Variants in DHRS4L2 observed in about 807,000 individuals in gnomAD.
DHRS4L2 encodes the protein dehydrogenase/reductase 4 like 2.
A neutral mutation model predicts 23.9 loss-of-function variants in DHRS4L2; 22 were observed. That is an observed-to-expected ratio of 0.92 (90% CI 0.66 to 1.31). The LOEUF is 1.31. Among genes scored for constraint, DHRS4L2 ranks in the 40% most tolerant of loss-of-function variants. DHRS4L2 has a pLI of 0.00. For missense variants in DHRS4L2, 385 were observed against 303.3 expected (o/e 1.27, Z -2.00); for synonymous variants, 141 against 123.7 (o/e 1.14, Z -0.93).
In DHRS4L2 at chr14:23,990,375, A is replaced by C; in HGVS notation, c.306+16A>C. 1 of 1,604,534 alleles carries C rather than the reference A, an allele frequency of 6.2e-7. No individual in the cohort carries two copies. Among genetic ancestry groups the C allele is most frequent in the East Asian group, 2.2e-5 (1 of 44,614 alleles). On this transcript the variant is annotated intron_variant, in intron 2 of 7. Coordinates refer to ENST00000335125, the MANE Select transcript of DHRS4L2 (RefSeq NM_198083.4). ...GGTGGCCATGGTGAGCTGCAGGGAA[A>C]TGGGCACAGAGCCAGGAGGTGGAAA...
chr14:23,990,443 A>C, intron 2 of DHRS4L2, 84 bp downstream of exon 2: 1 of 1,486,264 alleles, frequency 6.7e-7, no homozygotes, highest in South Asian at 1.4e-5. Flanking sequence ...CCTAGACAGC[A>C]GCACATTTTT....
chr14:23,988,699 A>G (rs1379411149), upstream of DHRS4L2: 2 of 1,131,342 alleles, frequency 1.8e-6, no homozygotes, highest in Non-Finnish European at 2.3e-6. Context: ...CCTACAGGCA[A>G]CTTGAACGGA....
chr14:23,979,227 C>A (rs1398627091), intron 1 of DHRS4L2, among the ~76,000 whole-genome samples: 3 of 148,566 alleles, frequency 2.0e-5, no homozygotes, highest in African/African-American at 5.0e-5. Flanking sequence ...GGGATCAATT[C>A]AACAAGAAGA....
intron 1 of DHRS4L2, among the ~76,000 whole-genome samples, chr14:23,980,975 A>G (rs1420389653): frequency 1.3e-5 from 2 of 151,704 alleles, no homozygotes; most frequent in Admixed American, 1.3e-4. Context: ...GGCAAGAGGA[A>G]GAAATAAAGG....
At chr14:23,974,387 A>G in intron 1 of DHRS4L2, among the ~76,000 whole-genome samples, 1 of 151,564 alleles carries the variant, frequency 6.6e-6, no homozygotes, top group Non-Finnish European at 1.5e-5. Context: ...AAGACAACAA[A>G]TAATGATGAT....
At chr14:23,998,076 A>G (rs527598633) in intron 3 of DHRS4L2, among the ~76,000 whole-genome samples, 4 of 151,914 alleles carry the variant, frequency 2.6e-5, no homozygotes, top group African/African-American at 7.2e-5. Context: ...CTCCTTGTAC[A>G]TCTCCATCAG....
At position 23,997,574 on chromosome 14, in the gene DHRS4L2, T is replaced by C. The variant is rs531461012; in HGVS notation, c.408+2441T>C. Among the ~76,000 whole-genome samples the C allele has an allele frequency of 2.6e-3, 376 of 145,822 alleles. 3 individuals carry two copies. Among genetic ancestry groups the C allele is most frequent in the African/African-American group, 9.5e-3 (350 of 37,016 alleles). ...GAATCCCGTGTTGTGATTTCAACAA[T>C]ATTCATGGCATCTTCACCAGAAATA... On this transcript the variant is annotated intron_variant, in intron 3 of 7. Coordinates refer to ENST00000335125, the MANE Select transcript of DHRS4L2 (RefSeq NM_198083.4).
intron 2 of DHRS4L2, among the ~76,000 whole-genome samples, chr14:23,994,515 C>T (rs955756774): frequency 2.0e-5 from 3 of 151,534 alleles, no homozygotes; most frequent in African/African-American, 7.3e-5. Flanking sequence ...TGGCAAGACC[C>T]TGTCTCTACA....
Position 24,000,958 on chromosome 14 carries a change from G to T in DHRS4L2, c.479+25G>T, listed in dbSNP as rs144805644. The T allele has an allele frequency of 3.1e-3, 4,982 of 1,611,208 alleles. 473 individuals are homozygous for T. The African/African-American group carries it at 0.061, about 20-fold the overall frequency. On this transcript the variant is annotated intron_variant, in intron 4 of 7. Coordinates refer to ENST00000335125, the MANE Select transcript of DHRS4L2 (RefSeq NM_198083.4). ...GGTACAGAGAGTGAGAGAGAGCCTG[G>T]GTGAGAGGGGACCCCACACAGGCTG...
intron 3 of DHRS4L2, among the ~76,000 whole-genome samples, chr14:23,999,367 A>AAAAAAAAAC (rs1555330042): frequency 8.6e-6 from 1 of 116,802 alleles, no homozygotes; most frequent in Non-Finnish European, 1.8e-5. Flanking sequence ...AAAAAAAAAA[A>AAAAAAAAAC]AAAAAAACAA....
At chr14:23,990,971 A>G (rs1040062939) in intron 2 of DHRS4L2, 58 of 799,190 alleles carry the variant, frequency 7.3e-5, no homozygotes, top group Admixed American at 1.2e-4. Flanking sequence ...CTTCAGTCTC[A>G]AAGAAAGTAC....
upstream of DHRS4L2, among the ~76,000 whole-genome samples, chr14:23,987,901 C>G (rs10145200): frequency 6.6e-6 from 1 of 151,178 alleles, no homozygotes; most frequent in South Asian, 2.1e-4. Flanking sequence ...CATAAGCCAT[C>G]CATATTTATT....
Position 24,006,056 on chromosome 14 carries a change from T to A in DHRS4L2, c.*193T>A. 6.4e-7 allele frequency: 1 copy of A among 1,564,248 alleles called. No homozygotes were observed. Among genetic ancestry groups the A allele is most frequent in the South Asian group, 1.1e-5 (1 of 87,818 alleles). On this transcript the variant is annotated 3_prime_UTR_variant, in exon 8 of 8. Coordinates refer to ENST00000335125, the MANE Select transcript of DHRS4L2 (RefSeq NM_198083.4). Reference sequence around the variant, plus strand: ...GGGCTCTAGCTCCTGGTGCTGTTCCTGCATTCACCCACTGGCCTTTCCCAC... The same window carrying A: ...GGGCTCTAGCTCCTGGTGCTGTTCCAGCATTCACCCACTGGCCTTTCCCAC...
chr14:24,004,334 C>G lies in DHRS4L2; in HGVS notation c.666-3C>G. 3 of 1,595,542 alleles carry G rather than the reference C, an allele frequency of 1.9e-6. No homozygotes were observed. Among genetic ancestry groups the G allele is most frequent in the Non-Finnish European group, 2.6e-6 (3 of 1,176,306 alleles). ...CATAAAGAGATTTCCCTTCTTCCTA[C>G]AGCTCTGGATGGACAAGGAAAAAGA... is the stretch of plus-strand genomic sequence containing the variant. On this transcript the variant is annotated splice_polypyrimidine_tract_variant and splice_region_variant and intron_variant, in intron 6 of 7. Transcript: ENST00000335125.
At chr14:23,998,708 G>T (rs1418509167) in intron 3 of DHRS4L2, among the ~76,000 whole-genome samples, 2 of 151,618 alleles carry the variant, frequency 1.3e-5, no homozygotes, top group African/African-American at 2.4e-5. Flanking sequence ...TTGGCTTAAG[G>T]GAATGTTGTG....
chr14:23,971,809 A>T lies in DHRS4L2; in HGVS notation c.-176+1477A>T, dbSNP rs991754153. ...ATTTTGTCACCACCAGGCCTGCCTT[A>T]CAATAAGAGCTCCTGAAGGAAGCAC... is the stretch of plus-strand genomic sequence containing the variant. On this transcript the variant is annotated intron_variant, in intron 1 of 5. Coordinates refer to the DHRS4L2 transcript ENST00000534993. 4.1e-4 allele frequency among the ~76,000 whole-genome samples: 62 copies of T among 152,106 alleles called. 1 individual carries two copies. Among genetic ancestry groups the T allele is most frequent in the African/African-American group, 1.5e-3 (61 of 41,442 alleles).
chr14:24,001,641 C>G, intron 6 of DHRS4L2, 124 bp downstream of exon 6: 1 of 1,414,658 alleles, frequency 7.1e-7, no homozygotes, highest in Non-Finnish European at 9.4e-7. Context: ...CTGGACTTTC[C>G]CATATTCCCT....
At chr14:23,971,695 T>C (rs1164861527) in intron 1 of DHRS4L2, among the ~76,000 whole-genome samples, 3 of 151,980 alleles carry the variant, frequency 2.0e-5, no homozygotes, top group African/African-American at 7.2e-5. Context: ...AAGAAAAGAT[T>C]TTTGAAACTA....
chr14:23,989,218 C>T lies in DHRS4L2; in HGVS notation c.128+143C>T, dbSNP rs182752282. ...ATGGAAAAAAAGTAGCCACGTGGTC[C>T]GCCTGAAGCCCCTCCGAATACCCTG... On this transcript the variant is annotated intron_variant, in intron 1 of 7. Coordinates refer to ENST00000335125, the MANE Select transcript of DHRS4L2 (RefSeq NM_198083.4). The T allele has an allele frequency of 3.4e-4, 490 of 1,438,138 alleles. 3 individuals carry two copies. The African/African-American group carries it at 6.2e-3, about 18-fold the overall frequency. 89.1% of individuals were successfully genotyped at this position (1,438,138 alleles called of 1,614,324 possible).
Sources: allele counts gnomAD v4.1 joint callset (sites outside exome capture counted in the v4.1 genomes callset), GRCh38; gene constraint gnomAD v4.1.1; transcripts MANE v1.5; gene names NCBI Gene and HGNC (gene_info 2026-07-23, HGNC 2026-07-21).